The following GPC6 variants were observed in gnomAD, a reference collection of about 807,000 sequenced individuals.
The protein encoded by GPC6 is glypican 6, also known as glypican-6.
In GPC6, 14 loss-of-function variants were observed where a neutral mutation model predicts 55.2. The observed-to-expected ratio is 0.25, with a 90% CI of 0.17 to 0.40. The LOEUF (loss-of-function observed/expected upper bound fraction) is 0.40, where lower values mean the gene tolerates loss of function less well. Among genes scored for constraint, GPC6 ranks in the 10% least tolerant of loss-of-function variants. The pLI, the probability that GPC6 is intolerant of heterozygous loss-of-function variation, is 1.00. For missense variants in GPC6, 641 were observed against 708.5 expected, an observed-to-expected ratio of 0.90 and a Z score of 1.08; for synonymous variants, 278 against 259.6, an observed-to-expected ratio of 1.07 and a Z score of -0.68.
intron 1 of GPC6, among the ~76,000 whole-genome samples, chr13:93,438,145 A>G (rs1314113431): frequency 6.6e-6 from 1 of 152,152 alleles, no homozygotes; most frequent in African/African-American, 2.4e-5. Context: ...TTTTCAAAGT[A>G]TTACTGCTCA....
At chr13:93,293,569 ACT>A (rs923262930) in intron 1 of GPC6, among the ~76,000 whole-genome samples, 1 of 152,092 alleles carries the variant, frequency 6.6e-6, no homozygotes, top group Non-Finnish European at 1.5e-5. Context: ...AAAGTAGCTA[ACT>A]CTGCCTTATT....
rs148767059 is a variant in GPC6, at chr13:93,850,008, C to G, written c.711+19463C>G. 7.2e-5 allele frequency among the ~76,000 whole-genome samples: 11 copies of G among 152,154 alleles called. No individual in the cohort carries two copies. The East Asian group carries it at 2.1e-3, about 29-fold the overall frequency. On this transcript the variant is annotated intron_variant, in intron 3 of 8. Transcript: ENST00000377047. ...ACTTCTGTAATTAAAATAATTTCCT[C>G]TGAGAGGTCTTAATCATTCATGCCC...
intron 1 of GPC6, among the ~76,000 whole-genome samples, chr13:93,282,292 T>C (rs528651021): frequency 6.6e-6 from 1 of 152,248 alleles, no homozygotes; most frequent in Admixed American, 6.5e-5. Context: ...CTAAGACTAT[T>C]TTGCTAAAAT....
intron 1 of GPC6, among the ~76,000 whole-genome samples, chr13:93,358,467 A>T (rs1880930503): frequency 6.6e-6 from 1 of 152,120 alleles, no homozygotes; most frequent in African/African-American, 2.4e-5. Context: ...CCCCTTTATG[A>T]ATGAGGACAA....
At chr13:93,347,008 A>G (rs1160345802) in intron 1 of GPC6, among the ~76,000 whole-genome samples, 1 of 152,180 alleles carries the variant, frequency 6.6e-6, no homozygotes, top group Non-Finnish European at 1.5e-5. Flanking sequence ...CTTATCCTAC[A>G]TGTTCCACTG....
At chr13:93,770,744 C>T (rs1388457584) in intron 2 of GPC6, among the ~76,000 whole-genome samples, 2 of 152,168 alleles carry the variant, frequency 1.3e-5, no homozygotes, top group East Asian at 3.9e-4. Flanking sequence ...ATCAACCCTG[C>T]AACTCTCTAT....
the GPC6 span, among the ~76,000 whole-genome samples, chr13:93,217,260 A>G: frequency 3.9e-5 from 6 of 152,372 alleles, no homozygotes; most frequent in African/African-American, 1.4e-4. Flanking sequence ...TTCTTTCATG[A>G]TCTTTCTAAA....
chr13:93,460,902 A>G (rs762702137), intron 1 of GPC6, among the ~76,000 whole-genome samples: 1 of 152,190 alleles, frequency 6.6e-6, no homozygotes, highest in Non-Finnish European at 1.5e-5. Context: ...CAATGTAATT[A>G]TTACTGGTTT....
intron 3 of GPC6, among the ~76,000 whole-genome samples, chr13:94,003,584 GATT>G (rs1192602384): frequency 1.3e-5 from 2 of 152,162 alleles, no homozygotes; most frequent in Non-Finnish European, 2.9e-5. Context: ...ATAGTAATTT[GATT>G]AGCTTATGCT....
At chr13:94,265,663 G>A (rs1486055806) in intron 4 of GPC6, among the ~76,000 whole-genome samples, 1 of 152,196 alleles carries the variant, frequency 6.6e-6, no homozygotes, top group Non-Finnish European at 1.5e-5. Context: ...AAAGCAAGAA[G>A]TGTAAAGGGT....
At chr13:93,639,827 G>T (rs956281445) in intron 2 of GPC6, among the ~76,000 whole-genome samples, 1 of 152,064 alleles carries the variant, frequency 6.6e-6, no homozygotes, top group Non-Finnish European at 1.5e-5. Context: ...AATCTGGAAT[G>T]GGAAAAATTT....
At chr13:93,543,507 C>T (rs1248257965) in intron 1 of GPC6, among the ~76,000 whole-genome samples, 2 of 151,742 alleles carry the variant, frequency 1.3e-5, no homozygotes, top group East Asian at 1.9e-4. Flanking sequence ...TGTGTCTGCC[C>T]GGCTTTGGTA....
At chr13:93,945,018 G>T (rs1428728584) in intron 3 of GPC6, among the ~76,000 whole-genome samples, 3 of 152,134 alleles carry the variant, frequency 2.0e-5, no homozygotes, top group Non-Finnish European at 4.4e-5. Flanking sequence ...AATCAGGCTT[G>T]TTTGTCTTCT....
intron 2 of GPC6, among the ~76,000 whole-genome samples, chr13:93,770,821 C>T (rs375362502): frequency 2.6e-5 from 4 of 152,078 alleles, no homozygotes; most frequent in East Asian, 1.9e-4. Context: ...GAAATAAATC[C>T]TTTTCTCCCC....
intron 1 of GPC6, among the ~76,000 whole-genome samples, chr13:93,270,663 A>G (rs1471359576): frequency 6.7e-6 from 1 of 149,910 alleles, no homozygotes; most frequent in African/African-American, 2.5e-5. Flanking sequence ...TACATTTTAT[A>G]TCTCTGTCCT....
chr13:93,493,531 G>T (rs1331714955), intron 1 of GPC6, among the ~76,000 whole-genome samples: 1 of 120,144 alleles, frequency 8.3e-6, no homozygotes, highest in African/African-American at 3.1e-5. Flanking sequence ...CTTCAGTTCT[G>T]CTCTGATCTT....
intron 4 of GPC6, among the ~76,000 whole-genome samples, chr13:94,175,951 T>G (rs201905250): frequency 0.013 from 1,238 of 95,766 alleles, 5 homozygotes; most frequent in African/African-American, 0.022. Flanking sequence ...TATATATATA[T>G]ATATAGAGAG....
intron 3 of GPC6, among the ~76,000 whole-genome samples, chr13:93,898,580 G>A (rs923829869): frequency 3.9e-5 from 6 of 152,036 alleles, no homozygotes; most frequent in African/African-American, 1.4e-4. Flanking sequence ...GAAGCCAGCA[G>A]CATATCAAAC....
At chr13:94,344,125 A>C (rs542898745) in intron 6 of GPC6, among the ~76,000 whole-genome samples, 1 of 152,236 alleles carries the variant, frequency 6.6e-6, no homozygotes, top group African/African-American at 2.4e-5. Flanking sequence ...GTGTTCTCAC[A>C]ACCAATAATT....
Sources: allele counts gnomAD v4.1 joint callset (sites outside exome capture counted in the v4.1 genomes callset), GRCh38; gene constraint gnomAD v4.1.1; transcripts MANE v1.5; gene names NCBI Gene and HGNC (gene_info 2026-07-23, HGNC 2026-07-21).